The following DIAPH2 variants were observed in gnomAD, a reference collection of about 807,000 sequenced individuals.
The protein encoded by DIAPH2 is protein diaphanous homolog 2.
DIAPH2 carries 35 observed loss-of-function variants against 92.7 expected under a neutral mutation model. That is an observed-to-expected ratio of 0.38 (90% confidence interval 0.29 to 0.50). The LOEUF (loss-of-function observed/expected upper bound fraction) is 0.50. Ranked by LOEUF, DIAPH2 falls within the 20% of genes least tolerant of loss-of-function variation. DIAPH2 has a pLI of 0.94. For missense variants in DIAPH2, 701 were observed against 819.5 expected (o/e 0.86, Z 1.77); for synonymous variants, 301 against 280.4 (o/e 1.07, Z -0.73).
At chrX:96,876,782 G>A (rs781371344) in intron 4 of DIAPH2, among the ~76,000 whole-genome samples, 1 of 102,958 alleles carries the variant, frequency 9.7e-6, no homozygotes, top group Admixed American at 1.0e-4. Flanking sequence ...AGGGGGGAGG[G>A]ATAGCATTAG....
chrX:97,462,370 A>G (rs1040687088), intron 26 of DIAPH2, among the ~76,000 whole-genome samples: 1 of 111,995 alleles, frequency 8.9e-6, no homozygotes, highest in Non-Finnish European at 1.9e-5. Context: ...CCAAATTCTC[A>G]TTCAGTTCAA....
At chrX:97,173,808 T>C (rs2067471368) in intron 22 of DIAPH2, among the ~76,000 whole-genome samples, 1 of 108,963 alleles carries the variant, frequency 9.2e-6, no homozygotes, top group Non-Finnish European at 1.9e-5. Flanking sequence ...CTCAGGAGGC[T>C]GAGGTGTGAG....
intron 16 of DIAPH2, among the ~76,000 whole-genome samples, chrX:96,961,580 G>T (rs957265835): frequency 9.2e-6 from 1 of 108,256 alleles, no homozygotes; most frequent in Admixed American, 1.0e-4. Flanking sequence ...TTGGGGTTTG[G>T]TTTGTTCTTG....
intron 1 of DIAPH2, among the ~76,000 whole-genome samples, chrX:96,694,923 C>T (rs372376546): frequency 1.8e-5 from 2 of 109,553 alleles, no homozygotes; most frequent in East Asian, 5.7e-4. Flanking sequence ...TCCCCACCCC[C>T]ACTTTGGTTG....
At chrX:97,515,370 T>C (rs192711355) in intron 26 of DIAPH2, among the ~76,000 whole-genome samples, 220 of 111,987 alleles carry the variant, frequency 2.0e-3, no homozygotes, top group African/African-American at 7.0e-3. Context: ...TGCTTCGGCT[T>C]GCGCACGGTG....
At chrX:96,885,115 T>G in intron 5 of DIAPH2, 1 of 1,182,589 alleles carries the variant, frequency 8.5e-7, no homozygotes. Context: ...AAACATCCTT[T>G]CATTTTTCGA....
chrX:96,936,362 A>C (rs1439135015), intron 10 of DIAPH2, among the ~76,000 whole-genome samples: 1 of 111,524 alleles, frequency 9.0e-6, no homozygotes, highest in Non-Finnish European at 1.9e-5. Context: ...CCATGCTTGC[A>C]TTTCCTTTTA....
In DIAPH2 at chrX:96,908,951, T is replaced by C. The variant is rs2065452149; in HGVS notation, c.588-3377T>C. Among the ~76,000 whole-genome samples the C allele has an allele frequency of 4.5e-5, 5 of 111,481 alleles. No individual in the cohort carries two copies. In the South Asian group the frequency reaches 1.9e-3, roughly 43 times the overall value. ...GCGGCACTGGGAGGGCACAGTATGG[T>C]TGGGAGGGCATGTAAAGCAGCCTTG... On this transcript the variant is annotated intron_variant, in intron 5 of 26. Coordinates refer to ENST00000324765, the MANE Select transcript of DIAPH2 (RefSeq NM_006729.5).
chrX:97,126,821 T>A (rs1365510271), intron 21 of DIAPH2, among the ~76,000 whole-genome samples: 1 of 112,674 alleles, frequency 8.9e-6, no homozygotes, highest in Non-Finnish European at 1.9e-5. Flanking sequence ...TTCCAAGATG[T>A]ACTTTTCTTC....
At chrX:97,472,979 C>A (rs868857524) in intron 26 of DIAPH2, among the ~76,000 whole-genome samples, 11 of 111,854 alleles carry the variant, frequency 9.8e-5, no homozygotes, top group Non-Finnish European at 1.5e-4. Flanking sequence ...CTTCTTTTCT[C>A]CACTTATATA....
At chrX:97,008,957 GGT>G (rs1166686179) in intron 17 of DIAPH2, among the ~76,000 whole-genome samples, 1 of 111,085 alleles carries the variant, frequency 9.0e-6, no homozygotes, top group African/African-American at 3.3e-5. Context: ...AAGGCCCTAG[GGT>G]TCTACGGTTA....
intron 5 of DIAPH2, among the ~76,000 whole-genome samples, chrX:96,887,764 T>G (rs1421684545): frequency 8.9e-6 from 1 of 112,033 alleles, no homozygotes; most frequent in South Asian, 3.7e-4. Flanking sequence ...TAGCAAGAAT[T>G]ATGTTTGTTC....
chrX:96,911,978 T>A (rs2065471292), intron 5 of DIAPH2, among the ~76,000 whole-genome samples: 1 of 111,857 alleles, frequency 8.9e-6, no homozygotes, highest in Non-Finnish European at 1.9e-5. Context: ...AGGGTAGTGA[T>A]GTTATTAATA....
chrX:97,305,204 G>C (rs1280327973), intron 23 of DIAPH2, among the ~76,000 whole-genome samples: 1 of 112,149 alleles, frequency 8.9e-6, no homozygotes. Context: ...CAAAGATTGA[G>C]GGGCTAGGTT....
chrX:97,157,410 A>T (rs2067332432), intron 22 of DIAPH2, among the ~76,000 whole-genome samples: 1 of 110,947 alleles, frequency 9.0e-6, no homozygotes, highest in Non-Finnish European at 1.9e-5. Flanking sequence ...AGATGTCCTG[A>T]TATCTGGAGA....
At chrX:97,138,246 A>C (rs1179176407) in intron 21 of DIAPH2, among the ~76,000 whole-genome samples, 1 of 112,260 alleles carries the variant, frequency 8.9e-6, no homozygotes, top group Non-Finnish European at 1.9e-5. Flanking sequence ...TTTGGAATAA[A>C]GAAATTTCTT....
At chrX:97,160,541 T>C (rs939567527) in intron 22 of DIAPH2, among the ~76,000 whole-genome samples, 32 of 112,216 alleles carry the variant, frequency 2.9e-4, no homozygotes, top group African/African-American at 1.0e-3. Flanking sequence ...TATATATTGC[T>C]AAGGCATACT....
rs192051597 is a variant in DIAPH2, at chrX:97,361,967, G to A, written c.3009+13687G>A. Among the ~76,000 whole-genome samples, 497 of 112,105 alleles carry A rather than the reference G, an allele frequency of 4.4e-3. 3 individuals carry two copies. Among genetic ancestry groups the A allele is most frequent in the African/African-American group, 0.014 (431 of 30,913 alleles). ...GTAAGATGGCTGGCATTGGCAGCGC[G>A]CGGTGGCTCACGCCTGTAATCCCAG... On this transcript the variant is annotated intron_variant, in intron 24 of 26. Transcript: ENST00000324765.
At chrX:97,352,870 C>CAAAAAAAAAAAAAAA (rs1176922373) in intron 24 of DIAPH2, among the ~76,000 whole-genome samples, 1 of 27,094 alleles carries the variant, frequency 3.7e-5, no homozygotes. Flanking sequence ...AATCTGTCTC[C>CAAAAAAAAAAAAAAA]AAAAAAAAAA....
Sources: allele counts gnomAD v4.1 joint callset (sites outside exome capture counted in the v4.1 genomes callset), GRCh38; gene constraint gnomAD v4.1.1; transcripts MANE v1.5; gene names NCBI Gene and HGNC (gene_info 2026-07-23, HGNC 2026-07-21).